Variants in COL10A1 observed in about 807,000 individuals in gnomAD.
COL10A1 encodes collagen alpha-1(X) chain.
Under a neutral mutation model 18.2 loss-of-function variants are expected in COL10A1, and 10 were observed. That is an observed-to-expected ratio of 0.55 (90% CI 0.34 to 0.93). The LOEUF (loss-of-function observed/expected upper bound fraction) is 0.93. COL10A1 is among the 40% of genes least tolerant of loss of function. COL10A1 has a pLI of 0.02. For missense variants in COL10A1, 897 were observed against 853.5 expected (o/e 1.05, Z -0.64); for synonymous variants, 330 against 316.6 (o/e 1.04, Z -0.45).
rs1041404771 is a variant in COL10A1, at chr6:116,119,918, CA to C, written c.*154del. The C allele has an allele frequency of 1.4e-6, 1 of 726,532 alleles. No homozygotes were observed. The highest frequency in any genetic ancestry group is 2.5e-5 in the East Asian group (1 of 39,526). 45.0% of individuals were successfully genotyped at this position (726,532 alleles called of 1,614,324 possible). The stretch of plus-strand genomic sequence containing the variant: ...CGTTTTTACGTTGCTGCTCACTTTT[CA>C]GGGGGAAGGTTTGTTGGTCTGATAG... On this transcript the variant is annotated 3_prime_UTR_variant, in exon 3 of 3. Coordinates refer to ENST00000651968, the MANE Select transcript of COL10A1 (RefSeq NM_000493.4).
At chr6:116,170,242 G>A in the COL10A1 span, among the ~76,000 whole-genome samples, 1 of 142,474 alleles carries the variant, frequency 7.0e-6, no homozygotes, top group Non-Finnish European at 1.6e-5. Context: ...AGATTATCTT[G>A]TGTCCCCACC....
chr6:116,140,051 C>T (rs1391148692), intron 1 of COL10A1, among the ~76,000 whole-genome samples: 1 of 152,060 alleles, frequency 6.6e-6, no homozygotes, highest in African/African-American at 2.4e-5. Flanking sequence ...GAAACTGAAG[C>T]CCAAGGTGTT....
Position 116,120,592 on chromosome 6 carries a change from C to T in COL10A1, c.1524G>A (p.Gly508=). Residue 508 remains glycine (G), a synonymous_variant, in exon 3 of 3, where the codon GGG becomes GGA. Transcript: ENST00000651968. ...RGHSGEPGLP[G]PPGPPGPPGQ... is the part of the protein sequence containing the mutation. The stretch of plus-strand genomic sequence containing the variant: ...CTGGTGGGCCTGGAGGCCCAGGGGG[C>T]CCTGGAAGACCAGGCTCTCCAGAGT... The T allele has an allele frequency of 6.3e-7, 1 of 1,585,538 alleles. No homozygotes were observed. Among genetic ancestry groups the T allele is most frequent in the South Asian group, 1.2e-5 (1 of 86,092 alleles).
rs778474550 is a variant in COL10A1, at chr6:116,121,798, C to T, written c.318G>A (p.Gly106=). ...CTGGGAGTCCTGGCACACCTGGTTT[C>T]CCTACAGCTGATGGTCCCGGTGGTC... ...LPGPPGPSAV[G]KPGVPGLPGK... Residue 106 remains glycine (G), a synonymous_variant, in exon 3 of 3, where the codon GGG becomes GGA. Coordinates refer to ENST00000651968, the MANE Select transcript of COL10A1 (RefSeq NM_000493.4). The T allele has an allele frequency of 1.2e-6, 2 of 1,613,738 alleles. No homozygotes were observed. The highest frequency in any genetic ancestry group is 3.3e-5 in the Admixed American group (2 of 59,994).
the COL10A1 span, among the ~76,000 whole-genome samples, chr6:116,186,778 C>T: frequency 2.0e-5 from 3 of 151,844 alleles, no homozygotes. Context: ...TTTTTTCATT[C>T]GTATCCTGTA....
chr6:116,200,643 T>C, the COL10A1 span, among the ~76,000 whole-genome samples: 7 of 152,040 alleles, frequency 4.6e-5, no homozygotes, highest in Non-Finnish European at 8.8e-5. Context: ...AGCTCTGGTA[T>C]ATAATTCCCT....
chr6:116,188,010 A>T, the COL10A1 span, among the ~76,000 whole-genome samples: 1 of 152,184 alleles, frequency 6.6e-6, no homozygotes, highest in East Asian at 1.9e-4. Context: ...ACAGGAAGAC[A>T]GCAACCCAGT....
At chr6:116,178,098 C>CAT in the COL10A1 span, among the ~76,000 whole-genome samples, 2 of 93,418 alleles carry the variant, frequency 2.1e-5, no homozygotes, top group African/African-American at 1.1e-4. Flanking sequence ...TGCGCGCGCG[C>CAT]GCGCGTGCGT....
chr6:116,176,146 A>G, the COL10A1 span, among the ~76,000 whole-genome samples: 1 of 152,176 alleles, frequency 6.6e-6, no homozygotes, highest in African/African-American at 2.4e-5. Flanking sequence ...TTTGCTACCT[A>G]TGGTAGACCA....
chr6:116,176,176 G>A, the COL10A1 span, among the ~76,000 whole-genome samples: 1 of 152,146 alleles, frequency 6.6e-6, no homozygotes, highest in African/African-American at 2.4e-5. Flanking sequence ...AATTCTTCTA[G>A]TGCTAGAGTG....
chr6:116,152,815 A>AAC (rs1780080126), intron 1 of COL10A1, among the ~76,000 whole-genome samples: 1 of 152,172 alleles, frequency 6.6e-6, no homozygotes, highest in African/African-American at 2.4e-5. Flanking sequence ...GTCAACCAGA[A>AAC]ACTCCAAATT....
At chr6:116,206,680 A>G in the COL10A1 span, among the ~76,000 whole-genome samples, 1 of 151,912 alleles carries the variant, frequency 6.6e-6, no homozygotes, top group Non-Finnish European at 1.5e-5. Flanking sequence ...CTGCTCCATA[A>G]TGATTTAATT....
Position 116,120,979 on chromosome 6 carries a change from C to G in COL10A1, c.1137G>C (p.Arg379Ser). 5 of 1,613,902 alleles carry G rather than the reference C, an allele frequency of 3.1e-6. No individual in the cohort carries two copies. Among genetic ancestry groups the G allele is most frequent in the South Asian group, 1.1e-5 (1 of 91,064 alleles). ...GTTTTCCATCTGACCCAGGGGAACC[C>G]CTTTCACCCTTAGCCCCAGGGTATC... ...PAGYPGAKGE[R>S]GSPGSDGKPG... Residue 379 changes from arginine to serine, a missense_variant, in exon 3 of 3, where the codon AGG becomes AGC. Transcript: ENST00000651968.
At chr6:116,201,607 T>C in the COL10A1 span, among the ~76,000 whole-genome samples, 1 of 151,934 alleles carries the variant, frequency 6.6e-6, no homozygotes, top group African/African-American at 2.4e-5. Flanking sequence ...ATAAAGATAA[T>C]AGGGCAAACA....
At chr6:116,166,247 T>C in the COL10A1 span, among the ~76,000 whole-genome samples, 1 of 152,182 alleles carries the variant, frequency 6.6e-6, no homozygotes. Flanking sequence ...CTATCTTCCC[T>C]AAGCTTTCCA....
chr6:116,122,658 A>G (rs1283962113), intron 2 of COL10A1, among the ~76,000 whole-genome samples: 1 of 152,260 alleles, frequency 6.6e-6, no homozygotes, highest in Non-Finnish European at 1.5e-5. Context: ...ACTAAAAATC[A>G]TAGTGCCTGT....
intron 1 of COL10A1, chr6:116,145,450 C>G (rs907899804): frequency 2.6e-6 from 1 of 388,352 alleles, no homozygotes; most frequent in African/African-American, 2.0e-5. Flanking sequence ...AGAAGATTGG[C>G]CACATCCTTG....
chr6:116,120,699 C>A lies in COL10A1; in HGVS notation c.1417G>T (p.Gly473Cys). The change falls in exon 3 of 3, where the codon GGT (glycine) becomes TGT (cysteine). Residue 473 changes from glycine (G) to cysteine (C), a missense_variant. By Grantham distance (159) the Gly-to-Cys change is radical. Coordinates refer to ENST00000651968, the MANE Select transcript of COL10A1 (RefSeq NM_000493.4). ...PGSKGDPGSP[G>C]PPGPAGIATK... ...GCTATGCCAGCTGGGCCAGGAGGAC[C>A]GGGACTTCCTGGATCCCCTTTAGAC... 6.4e-7 allele frequency: 1 copy of A among 1,554,022 alleles called. No individual in the cohort carries two copies. The highest frequency in any genetic ancestry group is 1.2e-5 in the South Asian group (1 of 80,480).
intron 1 of COL10A1, among the ~76,000 whole-genome samples, chr6:116,147,653 A>G (rs938397304): frequency 6.6e-6 from 1 of 152,202 alleles, no homozygotes; most frequent in South Asian, 2.1e-4. Flanking sequence ...TGTAATGAGA[A>G]ATTGCAAATA....
Sources: gnomAD v4.1 joint callset for allele counts (sites outside exome capture counted in the v4.1 genomes callset) on GRCh38, gnomAD v4.1.1 for gene constraint, MANE v1.5 for transcripts, NCBI Gene and HGNC (gene_info 2026-07-23, HGNC 2026-07-21) for gene names.